Variants in KIF9 observed in about 807,000 individuals in gnomAD.
KIF9 encodes the protein kinesin-like protein KIF9.
In KIF9, 68 loss-of-function variants were observed where a neutral mutation model predicts 94.8. That is an observed-to-expected ratio of 0.72 (90% confidence interval 0.59 to 0.88). The LOEUF (loss-of-function observed/expected upper bound fraction) is 0.88, where lower values mean the gene tolerates loss of function less well. Ranked by LOEUF, KIF9 falls within the 40% of genes least tolerant of loss-of-function variation. The pLI is 0.00. For missense variants in KIF9, 882 were observed against 982.5 expected, an observed-to-expected ratio of 0.90 and a Z score of 1.37; for synonymous variants, 343 against 362.1, an observed-to-expected ratio of 0.95 and a Z score of 0.60.
At chr3:47,281,331 TTG>T in intron 1 of KIF9, 1 of 314,818 alleles carries the variant, frequency 3.2e-6, no homozygotes. Context: ...CACGCTTTTT[TTG>T]TTTTTGTTTT....
intron 17 of KIF9, among the ~76,000 whole-genome samples, chr3:47,239,206 A>AC (rs1699285284): frequency 6.6e-6 from 1 of 152,176 alleles, no homozygotes; most frequent in African/African-American, 2.4e-5. Context: ...ATCTCGAAAA[A>AC]GAAAAAAAAA....
intron 5 of KIF9, 87 bp downstream of exon 5, chr3:47,271,150 A>C: frequency 5.5e-6 from 1 of 182,822 alleles, no homozygotes; most frequent in Non-Finnish European, 9.9e-6. Flanking sequence ...TCTCAAAAAA[A>C]GAAAAAGAAA....
At chr3:47,245,537 C>T (rs1559433948) in intron 13 of KIF9, 26 bp from the exon 14 acceptor site, 1 of 1,570,654 alleles carries the variant, frequency 6.4e-7, no homozygotes, top group Non-Finnish European at 8.8e-7. Context: ...GAGAGAACAG[C>T]TTGTACCTGG....
chr3:47,271,936 A>G (rs1701673274), intron 4 of KIF9, among the ~76,000 whole-genome samples: 1 of 152,076 alleles, frequency 6.6e-6, no homozygotes, highest in Non-Finnish European at 1.5e-5. Flanking sequence ...CCTGGCCAAC[A>G]TGGTGAAACC....
intron 1 of KIF9, among the ~76,000 whole-genome samples, chr3:47,281,893 T>C (rs1200588358): frequency 6.6e-6 from 1 of 152,140 alleles, no homozygotes; most frequent in African/African-American, 2.4e-5. Flanking sequence ...GTCCCTATCT[T>C]CCAGTGCTCC....
At chr3:47,239,411 C>T (rs1699301610) in intron 17 of KIF9, among the ~76,000 whole-genome samples, 1 of 152,182 alleles carries the variant, frequency 6.6e-6, no homozygotes, top group African/African-American at 2.4e-5. Context: ...TGTCCTCTCC[C>T]TGTGGCTCTG....
chr3:47,232,241 T>C (rs541619374), intron 20 of KIF9, among the ~76,000 whole-genome samples: 1 of 152,292 alleles, frequency 6.6e-6, no homozygotes, highest in South Asian at 2.1e-4. Flanking sequence ...ATGTTATACT[T>C]GCCAGCTTCC....
intron 17 of KIF9, chr3:47,239,723 G>C (rs1451579282): frequency 7.2e-6 from 9 of 1,251,856 alleles, no homozygotes; most frequent in Admixed American, 2.5e-5. Flanking sequence ...AAGATGCTAG[G>C]ATTACAAGTG....
intron 15 of KIF9, 151 bp downstream of exon 15, chr3:47,244,640 C>A: frequency 1.0e-6 from 1 of 977,146 alleles, no homozygotes; most frequent in Non-Finnish European, 1.5e-6. Context: ...AGCCCGGGCC[C>A]CACAGACTTG....
intron 5 of KIF9, among the ~76,000 whole-genome samples, chr3:47,268,584 C>CT (rs560574291): frequency 0.02 from 2,800 of 137,264 alleles, 40 homozygotes; most frequent in Admixed American, 0.03. Flanking sequence ...TTTTCTTCTT[C>CT]TTTTTTTTTT....
At position 47,271,173 on chromosome 3, in the gene KIF9, A is replaced by G; in HGVS notation, c.591+64T>C. On this transcript the variant is annotated intron_variant, in intron 5 of 20. Transcript: ENST00000684063. ...AAAGAAAAAGAAAAAGAAAAAGAAAAGCTGAGAAGGAGGGTGGCAGGGAGG... is the reference window on the plus strand; with the variant it reads ...AAAGAAAAAGAAAAAGAAAAAGAAAGGCTGAGAAGGAGGGTGGCAGGGAGG... 3.7e-6 allele frequency: 4 copies of G among 1,070,804 alleles called. No individual in the cohort carries two copies. The South Asian group carries it at 4.3e-5, about 11-fold the overall frequency. The allele number at this position is 1,070,804 out of a possible 1,614,324, so 66.3% of individuals were successfully genotyped here. A position where few individuals can be genotyped will look rare whatever the true frequency, so the allele number is the denominator to read the frequency against.
chr3:47,247,881 T>A, intron 11 of KIF9, 137 bp downstream of exon 11: 1 of 727,904 alleles, frequency 1.4e-6, no homozygotes, highest in Non-Finnish European at 2.4e-6. Flanking sequence ...GCTGCCCCTT[T>A]CCTGCCACTG....
rs141091505 is a variant in KIF9, at chr3:47,235,986, T to C, written c.2217+48A>G. On this transcript the variant is annotated intron_variant, in intron 19 of 20. Transcript: ENST00000684063. ...AACAGACATCAAGGGGCACTGCCCA[T>C]TGCCCCATGTTCAACCACTGCCACA... 2.9e-4 allele frequency: 385 copies of C among 1,345,012 alleles called. 1 individual carries two copies. The African/African-American group carries it at 4.6e-3, about 16-fold the overall frequency. 83.3% of individuals were successfully genotyped at this position (1,345,012 alleles called of 1,614,324 possible).
chr3:47,242,631 C>T (rs1699649825), intron 16 of KIF9, among the ~76,000 whole-genome samples: 1 of 152,152 alleles, frequency 6.6e-6, no homozygotes, highest in Admixed American at 6.5e-5. Context: ...ATGAAATAAA[C>T]ATCTTTTGCA....
In KIF9 at chr3:47,267,057, C is replaced by T; in HGVS notation, c.687G>A (p.Arg229=). Residue 229 remains arginine, a synonymous_variant, in exon 7 of 21, where the codon CGG becomes CGA. Coordinates refer to ENST00000684063, the MANE Select transcript of KIF9 (RefSeq NM_182902.4). Reference sequence around the variant, plus strand: ...TGATGTACTTTTCCTCTGATAAGGTCCGGGAATGGGCCTACAAAACATCCA... The same window carrying T: ...TGATGTACTTTTCCTCTGATAAGGTTCGGGAATGGGCCTACAAAACATCCA... The part of the protein sequence containing the change: ...IFTIYLEAHS[R]TLSEEKYITS... 6.2e-7 allele frequency: 1 copy of T among 1,613,758 alleles called. No homozygotes were observed. Among genetic ancestry groups the T allele is most frequent in the Admixed American group, 1.7e-5 (1 of 59,958 alleles).
rs576136639 is a variant in KIF9 at position 47,255,733 on chromosome 3, C to CTCTCCCTCTCCCCACGG, written c.1059+1733_1059+1749dup. Among the ~76,000 whole-genome samples, 586 of 151,236 alleles carry CTCTCCCTCTCCCCACGG rather than the reference C, an allele frequency of 3.9e-3. 6 individuals are homozygous for CTCTCCCTCTCCCCACGG. The highest frequency in any genetic ancestry group is 6.5e-3 in the Non-Finnish European group (439 of 67,562). ...AAAATTTTCTTCGCTCTCCCTCTCC[C>CTCTCCCTCTCCCCACGG]TCTCCCTCTCCCCACGGTCTCCCTC... On this transcript the variant is annotated intron_variant, in intron 10 of 20. Transcript: ENST00000684063.
chr3:47,265,992 C>T, intron 7 of KIF9, 115 bp from the exon 8 acceptor site: 1 of 1,058,488 alleles, frequency 9.4e-7, no homozygotes. Context: ...TCAGCGCCTC[C>T]TTCCCAGAAC....
intron 17 of KIF9, among the ~76,000 whole-genome samples, chr3:47,237,814 TG>T (rs1289302313): frequency 6.6e-6 from 1 of 152,232 alleles, no homozygotes; most frequent in Non-Finnish European, 1.5e-5. Flanking sequence ...GTCTAGACTC[TG>T]GGATCTGGGA....
intron 15 of KIF9, chr3:47,243,953 G>C (rs1340631006): frequency 1.3e-5 from 2 of 152,282 alleles, no homozygotes; most frequent in African/African-American, 4.8e-5. Flanking sequence ...AGAACAGAGA[G>C]GGTTGGGGTG....
Sources: gnomAD v4.1 joint callset for allele counts (sites outside exome capture counted in the v4.1 genomes callset) on GRCh38, gnomAD v4.1.1 for gene constraint, MANE v1.5 for transcripts, NCBI Gene and HGNC (gene_info 2026-07-23, HGNC 2026-07-21) for gene names.